Variants in SCN1A observed in about 807,000 individuals in gnomAD.
SCN1A encodes the protein sodium channel protein type 1 subunit alpha.
In SCN1A, 13 loss-of-function variants were observed where a neutral mutation model predicts 193.7. The observed-to-expected ratio is 0.07, with a 90% CI of 0.04 to 0.11. SCN1A has a LOEUF of 0.11. SCN1A is among the 10% of genes least tolerant of loss of function. SCN1A has a pLI of 1.00. For missense variants in SCN1A, 1,432 were observed against 2,451.1 expected (o/e 0.58, Z 8.78); for synonymous variants, 781 against 843.6 (o/e 0.93, Z 1.29).
rs141169873 is a variant in SCN1A, at chr2:166,029,426, T to C, written c.3429+6622A>G. On this transcript the variant is annotated intron_variant, in intron 19 of 28. Transcript: ENST00000674923. The stretch of plus-strand genomic sequence containing the variant: ...AGGTAGCTTTGGCAGTCCCTAGTGA[T>C]CAATTAGAAGTAGTGGAGATAGTAC... Among the ~76,000 whole-genome samples, 694 of 152,114 alleles carry C rather than the reference T, an allele frequency of 4.6e-3. 1 individual carries two copies. Among genetic ancestry groups the C allele is most frequent in the African/African-American group, 0.016 (663 of 41,506 alleles).
upstream of SCN1A, among the ~76,000 whole-genome samples, chr2:166,129,498 G>C (rs748834515): frequency 6.6e-6 from 1 of 152,148 alleles, no homozygotes; most frequent in Non-Finnish European, 1.5e-5. Context: ...CCAAAAGCCA[G>C]TTGGAGTAGC....
In SCN1A at chr2:165,996,040, T is replaced by C; in HGVS notation, c.4554A>G (p.Lys1518=). 1 of 1,609,166 alleles carries C rather than the reference T, an allele frequency of 6.2e-7. No individual in the cohort carries two copies. Among genetic ancestry groups the C allele is most frequent in the Non-Finnish European group, 8.5e-7 (1 of 1,176,556 alleles). ...YNAMKKLGSK[K]PQKPIPRPGN... ...CTGGTCGAGGTATAGGCTTTTGCGG[T>C]TTTTTCGATCCTAATTTTTTCATTG... The change falls in exon 27 of 29, where the codon AAA becomes AAG. Residue 1518 remains lysine, a synonymous_variant. Coordinates refer to ENST00000674923, the MANE Select transcript of SCN1A (RefSeq NM_001165963.4).
chr2:166,021,613 A>C (rs1397007439), intron 19 of SCN1A, among the ~76,000 whole-genome samples: 1 of 152,210 alleles, frequency 6.6e-6, no homozygotes, highest in Non-Finnish European at 1.5e-5. Flanking sequence ...AAAACAAGAA[A>C]GGCATTAAGC....
At chr2:166,125,553 G>A (rs1278246778) in intron 2 of SCN1A, among the ~76,000 whole-genome samples, 2 of 152,160 alleles carry the variant, frequency 1.3e-5, no homozygotes, top group African/African-American at 2.4e-5. Context: ...CAGATGAGGT[G>A]CTCTTGTGTT....
chr2:166,058,509 G>C, intron 5 of SCN1A, 61 bp downstream of exon 5: 1 of 910,860 alleles, frequency 1.1e-6, no homozygotes, highest in Non-Finnish European at 1.8e-6. Flanking sequence ...TTGATATTTA[G>C]CTATAAAGTG....
intron 2 of SCN1A, among the ~76,000 whole-genome samples, chr2:166,121,123 A>G (rs1437840783): frequency 4.0e-5 from 6 of 151,340 alleles, no homozygotes; most frequent in African/African-American, 1.2e-4. Flanking sequence ...AAAAAGAAAA[A>G]AAAAAAAAAA....
rs34755811 is a variant in SCN1A at position 166,121,270 on chromosome 2, A to C, written c.-142+5654T>G. Among the ~76,000 whole-genome samples the C allele has an allele frequency of 1.7e-3, 254 of 152,316 alleles. 1 individual carries two copies. The highest frequency in any genetic ancestry group is 5.8e-3 in the African/African-American group (241 of 41,578). On this transcript the variant is annotated intron_variant, in intron 2 of 28. Coordinates refer to ENST00000674923, the MANE Select transcript of SCN1A (RefSeq NM_001165963.4). ...GTTTTCTCTGCTCCTGGCATTTTTC[A>C]GTCTAGATTGTAGCTATCCCTTAAC... is the stretch of plus-strand genomic sequence containing the variant.
At chr2:166,030,279 A>T (rs958658827) in intron 19 of SCN1A, among the ~76,000 whole-genome samples, 11 of 152,116 alleles carry the variant, frequency 7.2e-5, no homozygotes, top group African/African-American at 2.7e-4. Flanking sequence ...TATTTTTCTC[A>T]TCTTAAGGCT....
chr2:166,075,989 A>G (rs1449664922), intron 3 of SCN1A, among the ~76,000 whole-genome samples: 2 of 151,946 alleles, frequency 1.3e-5, no homozygotes, highest in African/African-American at 2.4e-5. Flanking sequence ...ATTTAAAAAC[A>G]GCCCATTTTT....
At position 166,046,953 on chromosome 2, in the gene SCN1A, C is replaced by T. The variant is rs753890879; in HGVS notation, c.1194G>A (p.Thr398=). The change falls in exon 12 of 29, where the codon ACG becomes ACA. Residue 398 remains threonine, a synonymous_variant. Transcript: ENST00000674923. The stretch of plus-strand genomic sequence containing the variant: ...TGACCAATACAAAAAATATCATGTA[C>T]GTTTTCCCAGCAGCACGTAATGTCT... The part of the protein sequence containing the change: ...YQLTLRAAGK[T]YMIFFVLVIF... 30 of 1,613,596 alleles carry T rather than the reference C, an allele frequency of 1.9e-5. No homozygotes were observed. The highest frequency in any genetic ancestry group is 6.7e-5 in the East Asian group (3 of 44,890).
intron 14 of SCN1A, among the ~76,000 whole-genome samples, chr2:166,042,640 T>C (rs1197656039): frequency 6.6e-6 from 1 of 152,184 alleles, no homozygotes; most frequent in Non-Finnish European, 1.5e-5. Flanking sequence ...GATGTTAACT[T>C]CCTGATTTCA....
chr2:166,044,077 A>C, intron 13 of SCN1A, 28 bp from the exon 14 acceptor site: 1 of 1,612,596 alleles, frequency 6.2e-7, no homozygotes, highest in African/African-American at 1.3e-5. Context: ...CAAACAAATA[A>C]AGTCATATTA....
intron 7 of SCN1A, among the ~76,000 whole-genome samples, chr2:166,054,147 T>C (rs188760694): frequency 5.0e-4 from 76 of 152,148 alleles, no homozygotes; most frequent in Admixed American, 1.9e-3. Context: ...CTTTCTTCTC[T>C]TAGTTTGATT....
intron 2 of SCN1A, among the ~76,000 whole-genome samples, chr2:166,079,857 A>G (rs1309556796): frequency 6.6e-6 from 1 of 151,598 alleles, no homozygotes; most frequent in Non-Finnish European, 1.5e-5. Context: ...AACCCATATT[A>G]TAATGAAATC....
chr2:166,044,376 C>T (rs1384375358), intron 13 of SCN1A, among the ~76,000 whole-genome samples: 5 of 152,112 alleles, frequency 3.3e-5, no homozygotes, highest in Non-Finnish European at 4.4e-5. Context: ...TGGCAATGGA[C>T]GTGGTAAACA....
At chr2:166,065,238 T>G (rs1683709343) in intron 4 of SCN1A, among the ~76,000 whole-genome samples, 1 of 152,108 alleles carries the variant, frequency 6.6e-6, no homozygotes, top group South Asian at 2.1e-4. Flanking sequence ...GAAGTGCTAT[T>G]AAGTTTTTCA....
rs549679997 is a variant in SCN1A, at chr2:166,105,589, T to C, written c.-142+21335A>G. 5.3e-5 allele frequency among the ~76,000 whole-genome samples: 8 copies of C among 152,344 alleles called. No homozygotes were observed. The South Asian group carries it at 1.7e-3, about 32-fold the overall frequency. Reference sequence around the variant, plus strand: ...ATTAATCCTTAGAAAATCTACTATATGAATAACTCAATAATAATCAAAGCA... The same window carrying C: ...ATTAATCCTTAGAAAATCTACTATACGAATAACTCAATAATAATCAAAGCA... On this transcript the variant is annotated intron_variant, in intron 2 of 28. Transcript: ENST00000674923.
chr2:166,058,812 A>C (rs1453960185), intron 4 of SCN1A, 124 bp from the exon 5 acceptor site: 4 of 670,494 alleles, frequency 6.0e-6, no homozygotes, highest in African/African-American at 1.8e-5. Flanking sequence ...CACAATCACA[A>C]TTTCTAAAGT....
chr2:166,090,610 T>A (rs113035336), intron 2 of SCN1A, among the ~76,000 whole-genome samples: 4 of 152,308 alleles, frequency 2.6e-5, no homozygotes, highest in African/African-American at 9.6e-5. Flanking sequence ...GCCTTTATTG[T>A]CTTTACCAGT....
Sources: allele counts gnomAD v4.1 joint callset (sites outside exome capture counted in the v4.1 genomes callset), GRCh38; gene constraint gnomAD v4.1.1; transcripts MANE v1.5; gene names NCBI Gene and HGNC (gene_info 2026-07-23, HGNC 2026-07-21).